Variants in EYS observed in about 807,000 individuals in gnomAD.
The protein encoded by EYS is EGF-like photoreceptor maintenance factor.
A neutral mutation model predicts 282.1 loss-of-function variants in EYS; 250 were observed. The observed-to-expected ratio is 0.89, with a 90% confidence interval of 0.80 to 0.98. EYS has a LOEUF of 0.98. EYS is among the 50% of genes least tolerant of loss of function. The pLI is 0.00. For synonymous variants in EYS, 1,355 were observed against 1,282.9 expected (o/e 1.06, Z -1.20); for missense variants, 4,016 against 3,709.0 (o/e 1.08, Z -2.15).
rs995298735 is a variant in EYS at position 65,008,298 on chromosome 6, T to A, written c.2138-10595A>T. Among the ~76,000 whole-genome samples the A allele has an allele frequency of 4.9e-4, 74 of 151,720 alleles. 2 individuals are homozygous for A. The highest frequency in any genetic ancestry group is 4.9e-3 in the Admixed American group (74 of 15,244). ...CCTGATTCTATTGAAGGCCAACTAA[T>A]CTTAAAGGATAAATTTATCACTCAA... is the stretch of plus-strand genomic sequence containing the variant. On this transcript the variant is annotated intron_variant, in intron 13 of 42. Coordinates refer to ENST00000503581, the MANE Select transcript of EYS (RefSeq NM_001142800.2).
chr6:64,395,284 A>G (rs933505848), intron 28 of EYS, among the ~76,000 whole-genome samples: 5 of 152,166 alleles, frequency 3.3e-5, no homozygotes, highest in East Asian at 1.9e-4. Context: ...ATTACTGGGT[A>G]TATACCCAAA....
chr6:64,995,717 C>A (rs1771233117), intron 14 of EYS, among the ~76,000 whole-genome samples: 1 of 143,594 alleles, frequency 7.0e-6, no homozygotes, highest in Non-Finnish European at 1.5e-5. Context: ...TTTCTGCTTC[C>A]CCCCCGCCCC....
chr6:65,622,452 T>G (rs1766538118), intron 2 of EYS, among the ~76,000 whole-genome samples: 1 of 151,986 alleles, frequency 6.6e-6, no homozygotes, highest in South Asian at 2.1e-4. Flanking sequence ...ATTGTAATAT[T>G]ATCATTATTA....
chr6:64,884,938 G>T (rs1421853608), intron 19 of EYS, among the ~76,000 whole-genome samples: 1 of 151,558 alleles, frequency 6.6e-6, no homozygotes, highest in Non-Finnish European at 1.5e-5. Context: ...TTCTAAAAAG[G>T]TTCTCCTTAT....
chr6:65,436,669 G>A (rs1396121967), intron 5 of EYS, among the ~76,000 whole-genome samples: 1 of 151,982 alleles, frequency 6.6e-6, no homozygotes, highest in East Asian at 1.9e-4. Flanking sequence ...TTCAGAAAAA[G>A]TATTCATCTA....
At chr6:64,974,243 G>C (rs1770398503) in intron 14 of EYS, among the ~76,000 whole-genome samples, 1 of 151,804 alleles carries the variant, frequency 6.6e-6, no homozygotes, top group Non-Finnish European at 1.5e-5. Flanking sequence ...CCAAAATAAA[G>C]AAAAGTATGA....
chr6:63,891,538 C>A (rs1232678824), intron 35 of EYS, among the ~76,000 whole-genome samples: 2 of 152,062 alleles, frequency 1.3e-5, no homozygotes, highest in Non-Finnish European at 1.5e-5. Flanking sequence ...ATTCAACACC[C>A]CTTCATGCTA....
chr6:64,181,513 A>G (rs541411174), intron 31 of EYS, among the ~76,000 whole-genome samples: 2 of 152,238 alleles, frequency 1.3e-5, no homozygotes, highest in South Asian at 4.1e-4. Flanking sequence ...ATTTATAAAC[A>G]CACAATGAAT....
intron 29 of EYS, among the ~76,000 whole-genome samples, chr6:64,320,502 A>C (rs187393539): frequency 2.0e-5 from 3 of 151,826 alleles, no homozygotes; most frequent in Admixed American, 2.0e-4. Flanking sequence ...TTTTATCTTT[A>C]GATGTTCTAC....
intron 22 of EYS, among the ~76,000 whole-genome samples, chr6:64,777,295 T>A (rs2149990716): frequency 6.6e-6 from 1 of 152,286 alleles, no homozygotes; most frequent in Non-Finnish European, 1.5e-5. Flanking sequence ...ATTAACATGA[T>A]TTTAGGTATT....
chr6:64,303,836 G>A lies in EYS; in HGVS notation c.6191+3134C>T, dbSNP rs1290094472. Among the ~76,000 whole-genome samples the A allele has an allele frequency of 8.2e-3, 443 of 54,186 alleles. 2 individuals carry two copies. The highest frequency in any genetic ancestry group is 0.043 in the African/African-American group (406 of 9,402). The allele number at this position is 54,186 out of a possible 152,430, so 35.5% of individuals were successfully genotyped here. Reference sequence around the variant, plus strand: ...AGCCTGGGCGACAGAGCGAAACTCCGTCTCAAAAAAAAAAAAAAAAAAAAA... The same window carrying A: ...AGCCTGGGCGACAGAGCGAAACTCCATCTCAAAAAAAAAAAAAAAAAAAAA... On this transcript the variant is annotated intron_variant, in intron 30 of 42. Coordinates refer to ENST00000503581, the MANE Select transcript of EYS (RefSeq NM_001142800.2).
At chr6:64,405,378 A>C (rs1561976538) in intron 28 of EYS, among the ~76,000 whole-genome samples, 3 of 152,298 alleles carry the variant, frequency 2.0e-5, no homozygotes, top group South Asian at 2.1e-4. Flanking sequence ...TATCATACTG[A>C]ATGGGCAAAA....
At chr6:64,236,860 T>C (rs536345949) in intron 30 of EYS, among the ~76,000 whole-genome samples, 39 of 152,084 alleles carry the variant, frequency 2.6e-4, no homozygotes, top group African/African-American at 8.9e-4. Context: ...AGATACCTAA[T>C]GTAAATGACG....
intron 29 of EYS, among the ~76,000 whole-genome samples, 165 bp from the exon 30 acceptor site, chr6:64,307,247 A>G (rs1229450872): frequency 6.6e-6 from 1 of 152,122 alleles, no homozygotes; most frequent in Non-Finnish European, 1.5e-5. Context: ...ATAAATATCA[A>G]TCCAAAAAGT....
At chr6:65,579,960 T>C (rs934385374) in intron 2 of EYS, among the ~76,000 whole-genome samples, 1 of 152,148 alleles carries the variant, frequency 6.6e-6, no homozygotes. Flanking sequence ...GTAAGTTACA[T>C]AAAATTTAAA....
intron 36 of EYS, among the ~76,000 whole-genome samples, chr6:63,818,095 C>T (rs1771229199): frequency 1.3e-5 from 2 of 152,124 alleles, no homozygotes; most frequent in Non-Finnish European, 2.9e-5. Flanking sequence ...AACAAATCCA[C>T]CTTTTTGAAA....
intron 26 of EYS, among the ~76,000 whole-genome samples, chr6:64,551,952 G>A (rs530862830): frequency 2.0e-5 from 3 of 152,162 alleles, no homozygotes; most frequent in South Asian, 2.1e-4. Flanking sequence ...TTTAGCTATC[G>A]ATGACAAATC....
chr6:63,826,524 A>G (rs1375303118), intron 36 of EYS, among the ~76,000 whole-genome samples: 1 of 152,234 alleles, frequency 6.6e-6, no homozygotes, highest in Non-Finnish European at 1.5e-5. Flanking sequence ...AGAAAAACCT[A>G]TCAGATTAAC....
At chr6:65,150,707 T>G (rs1261558725) in intron 12 of EYS, among the ~76,000 whole-genome samples, 1 of 228 alleles carries the variant, frequency 4.4e-3, no homozygotes, top group Non-Finnish European at 8.3e-3. Flanking sequence ...CTCTAGAGCA[T>G]TTTGTTCTAA....
Sources: gnomAD v4.1 joint callset for allele counts (sites outside exome capture counted in the v4.1 genomes callset) on GRCh38, gnomAD v4.1.1 for gene constraint, MANE v1.5 for transcripts, NCBI Gene and HGNC (gene_info 2026-07-23, HGNC 2026-07-21) for gene names.